HELZ: variants seen among roughly 807,000 people sequenced by gnomAD.
The protein encoded by HELZ is ATP-dependent RNA helicase with zinc finger domain.
HELZ carries 23 observed loss-of-function variants against 218.2 expected under a neutral mutation model. That is an observed-to-expected ratio of 0.11 (90% CI 0.08 to 0.15). The LOEUF is 0.15. Ranked by LOEUF, HELZ falls within the 10% of genes least tolerant of loss-of-function variation. The pLI, the probability that HELZ is intolerant of heterozygous loss-of-function variation, is 1.00. For missense variants in HELZ, 1,813 were observed against 2,353.7 expected (o/e 0.77, Z 4.75); for synonymous variants, 814 against 829.4 (o/e 0.98, Z 0.32).
At chr17:67,106,540 C>T (rs919044589) in intron 31 of HELZ, among the ~76,000 whole-genome samples, 10 of 152,156 alleles carry the variant, frequency 6.6e-5, no homozygotes, top group South Asian at 2.1e-4. Context: ...ATCTCCTGAC[C>T]TCGTGATCTG....
chr17:67,193,692 G>C (rs1384332696), intron 9 of HELZ, among the ~76,000 whole-genome samples: 1 of 152,078 alleles, frequency 6.6e-6, no homozygotes, highest in Non-Finnish European at 1.5e-5. Flanking sequence ...TTCTAGCCTG[G>C]GCAATAGGGC....
At chr17:67,089,694 G>GAGAGAGAGACAGAGAGAC (rs776184027) in intron 31 of HELZ, among the ~76,000 whole-genome samples, 21 of 100,728 alleles carry the variant, frequency 2.1e-4, no homozygotes, top group Middle Eastern at 5.5e-3. Context: ...GAGAGAGAGA[G>GAGAGAGAGACAGAGAGAC]AGAGAGACAG....
chr17:67,240,169 G>A (rs2041283218), intron 2 of HELZ, among the ~76,000 whole-genome samples: 1 of 152,174 alleles, frequency 6.6e-6, no homozygotes, highest in East Asian at 1.9e-4. Flanking sequence ...TAAGCTGATG[G>A]TAGTTTATCA....
chr17:67,192,937 AT>A (rs375339980), intron 9 of HELZ, among the ~76,000 whole-genome samples: 476 of 152,324 alleles, frequency 3.1e-3, no homozygotes, highest in African/African-American at 0.011. Flanking sequence ...TGAAGATAAT[AT>A]TTTTCAGAAA....
intron 3 of HELZ, among the ~76,000 whole-genome samples, chr17:67,226,300 A>G (rs1187315904): frequency 2.0e-5 from 3 of 151,672 alleles, no homozygotes; most frequent in African/African-American, 7.3e-5. Context: ...AAGAACTCCC[A>G]ACAGTCAACA....
intron 31 of HELZ, among the ~76,000 whole-genome samples, chr17:67,101,308 T>C (rs958658490): frequency 5.3e-5 from 8 of 152,130 alleles, no homozygotes; most frequent in Admixed American, 2.0e-4. Context: ...CATAAAGTTA[T>C]TTTAAATTTT....
intron 3 of HELZ, among the ~76,000 whole-genome samples, chr17:67,237,526 G>A (rs1205881846): frequency 6.6e-6 from 1 of 152,026 alleles, no homozygotes; most frequent in African/African-American, 2.4e-5. Context: ...CCAGGGGCCA[G>A]GAGACCTGAG....
At chr17:67,225,102 A>C in intron 3 of HELZ, 1 of 483,292 alleles carries the variant, frequency 2.1e-6, no homozygotes, top group Non-Finnish European at 3.8e-6. Context: ...AATTACATAT[A>C]TATATAAGCC....
chr17:67,190,604 G>A (rs563102128), intron 9 of HELZ, among the ~76,000 whole-genome samples: 1 of 152,186 alleles, frequency 6.6e-6, no homozygotes, highest in Non-Finnish European at 1.5e-5. Context: ...TAAGGCATAG[G>A]TATTCACGTC....
At chr17:67,153,331 G>A (rs1598331892) in intron 17 of HELZ, among the ~76,000 whole-genome samples, 1 of 152,294 alleles carries the variant, frequency 6.6e-6, no homozygotes, top group South Asian at 2.1e-4. Context: ...GAACAGTTTA[G>A]AATGGGAGGG....
At chr17:67,155,390 G>T (rs974920564) in intron 17 of HELZ, among the ~76,000 whole-genome samples, 1 of 152,100 alleles carries the variant, frequency 6.6e-6, no homozygotes, top group African/African-American at 2.4e-5. Context: ...GACTTGTTGT[G>T]GCAGGTATTT....
intron 31 of HELZ, among the ~76,000 whole-genome samples, chr17:67,090,552 T>C (rs1412555887): frequency 1.3e-5 from 2 of 152,192 alleles, no homozygotes; most frequent in African/African-American, 4.8e-5. Flanking sequence ...AGGTTTTAAT[T>C]ACAAATTCAA....
At chr17:67,129,614 CTAAGTTA>C (rs1367750111) in intron 23 of HELZ, among the ~76,000 whole-genome samples, 3 of 152,064 alleles carry the variant, frequency 2.0e-5, no homozygotes, top group African/African-American at 7.2e-5. Context: ...ATACCATTAA[CTAAGTTA>C]TAAGTGTTAA....
chr17:67,213,539 T>C (rs1438368492), intron 5 of HELZ, among the ~76,000 whole-genome samples: 1 of 152,036 alleles, frequency 6.6e-6, no homozygotes, highest in Non-Finnish European at 1.5e-5. Context: ...GGAGAATCAC[T>C]TGAACCTGGG....
chr17:67,107,474 T>C lies in HELZ; in HGVS notation c.4936A>G (p.Asn1646Asp). The change falls in exon 31 of 33, where the codon AAC becomes GAC. Residue 1646 changes from asparagine to aspartate, a missense_variant. Asn to Asp is a conservative substitution (Grantham distance 23). Around this residue, in one of 4 missense-constraint regions of HELZ, gnomAD observed 938 missense variants for 1,027.5 expected, o/e 0.91. Transcript: ENST00000358691. ...GGGAGGCGCTGTGGAAATGCTGGGTTGCTGGCTACTTCAATGTCTCTGCTG... is the reference window on the plus strand; with the variant it reads ...GGGAGGCGCTGTGGAAATGCTGGGTCGCTGGCTACTTCAATGTCTCTGCTG... ...DNSRDIEVAS[N>D]PAFPQRLPPQ... The C allele has an allele frequency of 6.2e-7, 1 of 1,614,186 alleles. No homozygotes were observed. Among genetic ancestry groups the C allele is most frequent in the Non-Finnish European group, 8.5e-7 (1 of 1,180,036 alleles).
chr17:67,214,259 CTTTTTTTTTTTTTT>C (rs777420102), intron 5 of HELZ, among the ~76,000 whole-genome samples: 1 of 87,740 alleles, frequency 1.1e-5, no homozygotes, highest in African/African-American at 4.7e-5. Context: ...ATTAATATTT[CTTTTTTTTTTTTTT>C]TTTTTTTTTT....
chr17:67,149,027 T>A (rs1049813901), intron 19 of HELZ, among the ~76,000 whole-genome samples: 1 of 152,176 alleles, frequency 6.6e-6, no homozygotes, highest in Non-Finnish European at 1.5e-5. Flanking sequence ...ACCCACTGTA[T>A]CACTGTGGGA....
At chr17:67,119,844 T>C (rs2143818561) in intron 27 of HELZ, 1 of 349,172 alleles carries the variant, frequency 2.9e-6, no homozygotes, top group East Asian at 9.8e-5. Flanking sequence ...TTTAATATTT[T>C]TTTCAGAAAC....
chr17:67,130,890 T>C (rs1359544123), intron 23 of HELZ, among the ~76,000 whole-genome samples: 1 of 152,182 alleles, frequency 6.6e-6, no homozygotes, highest in African/African-American at 2.4e-5. Context: ...AGTTCAGTTA[T>C]TTGTTTTTTC....
Sources: allele counts gnomAD v4.1 joint callset (sites outside exome capture counted in the v4.1 genomes callset), GRCh38; gene constraint gnomAD v4.1.1; regional missense constraint gnomAD v4.1.1; transcripts MANE v1.5; gene names NCBI Gene and HGNC (gene_info 2026-07-23, HGNC 2026-07-21).